Variants in TDRP observed in about 807,000 individuals in gnomAD.
TDRP encodes testis development related protein, also known as testis development-related protein.
In TDRP, 12 loss-of-function variants were observed where a neutral mutation model predicts 10.5. That is an observed-to-expected ratio of 1.15 (90% CI 0.73 to 1.86). TDRP has a LOEUF of 1.86. TDRP is among the 40% of genes most tolerant of loss of function. The pLI, the probability that TDRP is intolerant of heterozygous loss-of-function variation, is 0.00. For synonymous variants in TDRP, 139 were observed against 95.4 expected (o/e 1.46, Z -2.67); for missense variants, 353 against 229.2 (o/e 1.54, Z -3.49).
At chr8:535,223 G>C (rs1483554532) in intron 1 of TDRP, among the ~76,000 whole-genome samples, 1 of 152,154 alleles carries the variant, frequency 6.6e-6, no homozygotes, top group Non-Finnish European at 1.5e-5. Flanking sequence ...TCTGCGGGCT[G>C]TCCACACACT....
rs527369491 is a variant in TDRP, at chr8:500,963, C to T, written c.109-6366G>A. 2.1e-3 allele frequency among the ~76,000 whole-genome samples: 313 copies of T among 152,298 alleles called. 1 individual carries two copies. Among genetic ancestry groups the T allele is most frequent in the African/African-American group, 6.1e-3 (252 of 41,576 alleles). On this transcript the variant is annotated intron_variant, in intron 1 of 2. Transcript: ENST00000324079. ...GTCTCACACCTGTAATCCCAGCACT[C>T]TGGGAGGCCAAGGTGGGTGGATCAC...
At chr8:532,753 G>A (rs1461377346) in intron 1 of TDRP, among the ~76,000 whole-genome samples, 1 of 152,154 alleles carries the variant, frequency 6.6e-6, no homozygotes, top group Non-Finnish European at 1.5e-5. Flanking sequence ...AGTCAGAAGA[G>A]ATTTCAAAGA....
intron 1 of TDRP, among the ~76,000 whole-genome samples, chr8:523,355 G>C (rs544536135): frequency 6.6e-6 from 1 of 152,150 alleles, no homozygotes; most frequent in East Asian, 1.9e-4. Context: ...TAAGATGGCT[G>C]AATGGAAGCC....
intron 1 of TDRP, among the ~76,000 whole-genome samples, chr8:539,110 G>A (rs184359395): frequency 1.3e-5 from 2 of 152,294 alleles, no homozygotes; most frequent in Admixed American, 6.5e-5. Context: ...GTATATCCAC[G>A]TAAGGAAATG....
chr8:514,547 A>G (rs934689748), intron 1 of TDRP, among the ~76,000 whole-genome samples: 1 of 152,148 alleles, frequency 6.6e-6, no homozygotes, highest in Non-Finnish European at 1.5e-5. Context: ...CACCACTGCC[A>G]AGTCTGTTGA....
chr8:507,212 A>G (rs532369930), intron 1 of TDRP, among the ~76,000 whole-genome samples: 6 of 152,114 alleles, frequency 3.9e-5, no homozygotes, highest in African/African-American at 1.2e-4. Flanking sequence ...CCATAATCCA[A>G]TCACTTCCTT....
chr8:541,348 G>C (rs962170567), intron 1 of TDRP, among the ~76,000 whole-genome samples: 1 of 152,084 alleles, frequency 6.6e-6, no homozygotes, highest in African/African-American at 2.4e-5. Context: ...GAAAACCTTG[G>C]GTACAGTGAT....
chr8:519,659 T>C (rs935754695), intron 1 of TDRP, among the ~76,000 whole-genome samples: 1 of 152,166 alleles, frequency 6.6e-6, no homozygotes, highest in South Asian at 2.1e-4. Flanking sequence ...GGTTGCTCAC[T>C]GCTTGTAAAA....
intron 1 of TDRP, among the ~76,000 whole-genome samples, chr8:506,193 T>A (rs377746579): frequency 4.6e-5 from 7 of 152,174 alleles, no homozygotes; most frequent in African/African-American, 7.2e-5. Context: ...AAAACACACA[T>A]AGGATCTCTG....
intron 1 of TDRP, among the ~76,000 whole-genome samples, chr8:533,916 T>A (rs1339568665): frequency 6.6e-6 from 1 of 152,318 alleles, no homozygotes; most frequent in East Asian, 1.9e-4. Flanking sequence ...AACTCTTTAA[T>A]ACAAAACTCA....
chr8:494,627 C>A (rs373203133), intron 1 of TDRP, 30 bp from the exon 2 acceptor site: 13 of 1,590,558 alleles, frequency 8.2e-6, no homozygotes, highest in Middle Eastern at 1.7e-4. Context: ...AATGTCAAAT[C>A]TGATGTCATG....
chr8:516,583 G>A (rs1327427880), intron 1 of TDRP, among the ~76,000 whole-genome samples: 1 of 152,108 alleles, frequency 6.6e-6, no homozygotes, highest in Non-Finnish European at 1.5e-5. Flanking sequence ...TATCAGAACT[G>A]ACAAAACCCA....
chr8:500,674 C>A lies in TDRP; in HGVS notation c.109-6077G>T, dbSNP rs370837695. ...TTCAAGCATTAAGTTCTGAATTATC[C>A]CAATAAAGCAGATGGAAATTTCTCC... On this transcript the variant is annotated intron_variant, in intron 1 of 2. Transcript: ENST00000324079. 3.5e-4 allele frequency among the ~76,000 whole-genome samples: 53 copies of A among 152,288 alleles called. 1 individual carries two copies. The East Asian group carries it at 7.3e-3, about 21-fold the overall frequency.
chr8:534,612 C>T (rs1393001431), intron 1 of TDRP, among the ~76,000 whole-genome samples: 1 of 152,114 alleles, frequency 6.6e-6, no homozygotes, highest in Non-Finnish European at 1.5e-5. Flanking sequence ...CATACGCAAG[C>T]ACAAACATGT....
At chr8:520,449 T>C (rs989859872) in intron 1 of TDRP, among the ~76,000 whole-genome samples, 2 of 152,224 alleles carry the variant, frequency 1.3e-5, no homozygotes. Context: ...TTCCTTTCTT[T>C]GGGATATATA....
chr8:520,985 A>G (rs1801887293), intron 1 of TDRP, among the ~76,000 whole-genome samples: 1 of 152,032 alleles, frequency 6.6e-6, no homozygotes, highest in Non-Finnish European at 1.5e-5. Context: ...TTTTGGTGTC[A>G]TATCCAAGAA....
At chr8:512,469 T>C (rs573680777) in intron 1 of TDRP, among the ~76,000 whole-genome samples, 31 of 151,938 alleles carry the variant, frequency 2.0e-4, no homozygotes, top group African/African-American at 7.0e-4. Context: ...TTGATAAATC[T>C]TGAAACTGAC....
At chr8:545,248 C>T (rs1206732412), upstream of TDRP, among the ~76,000 whole-genome samples, 5 of 110,334 alleles carry the variant, frequency 4.5e-5, no homozygotes, top group African/African-American at 7.1e-5. Flanking sequence ...CCCACCTTGA[C>T]CCCCACCTAC....
At chr8:517,876 T>C (rs1801798445) in intron 1 of TDRP, among the ~76,000 whole-genome samples, 1 of 152,194 alleles carries the variant, frequency 6.6e-6, no homozygotes, top group Admixed American at 6.5e-5. Flanking sequence ...ACACACTGTG[T>C]AATTACAACC....
Sources: allele counts gnomAD v4.1 joint callset (sites outside exome capture counted in the v4.1 genomes callset), GRCh38; gene constraint gnomAD v4.1.1; transcripts MANE v1.5; gene names NCBI Gene and HGNC (gene_info 2026-07-23, HGNC 2026-07-21).